The following GPC5 variants were observed in gnomAD, a reference collection of about 807,000 sequenced individuals.
The protein encoded by GPC5 is glypican-5.
A neutral mutation model predicts 53.9 loss-of-function variants in GPC5; 47 were observed. The observed-to-expected ratio is 0.87, with a 90% CI of 0.69 to 1.11. The LOEUF (loss-of-function observed/expected upper bound fraction) is 1.11, where lower values mean the gene tolerates loss of function less well. Ranked by LOEUF, GPC5 falls within the 50% of genes most tolerant of loss-of-function variation. GPC5 has a pLI of 0.00. For synonymous variants in GPC5, 286 were observed against 263.3 expected, an observed-to-expected ratio of 1.09 and a Z score of -0.84; for missense variants, 748 against 713.1, an observed-to-expected ratio of 1.05 and a Z score of -0.56.
intron 7 of GPC5, among the ~76,000 whole-genome samples, chr13:92,529,427 T>C (rs1267858606): frequency 6.6e-6 from 1 of 152,248 alleles, no homozygotes; most frequent in African/African-American, 2.4e-5. Context: ...TAAGGTCTTA[T>C]AATAAACATA....
intron 7 of GPC5, among the ~76,000 whole-genome samples, chr13:92,650,478 T>A (rs12866735): frequency 0.24 from 36,260 of 152,070 alleles, 5,041 homozygotes; most frequent in South Asian, 0.39. Flanking sequence ...AGCTCAAATT[T>A]AATATTTTAA....
chr13:92,092,446 T>C (rs768862110), intron 6 of GPC5, among the ~76,000 whole-genome samples: 5 of 152,198 alleles, frequency 3.3e-5, no homozygotes, highest in Non-Finnish European at 7.4e-5. Flanking sequence ...GTTGAGCAGC[T>C]ACCTGGTAAA....
intron 7 of GPC5, among the ~76,000 whole-genome samples, chr13:92,657,579 G>GTTTTTTTTTTTTTTTTT (rs67038073): frequency 9.4e-6 from 1 of 106,730 alleles, no homozygotes; most frequent in Non-Finnish European, 1.8e-5. Flanking sequence ...AGGTTTTTTG[G>GTTTTTTTTTTTTTTTTT]TTTTTTTTTT....
intron 2 of GPC5, among the ~76,000 whole-genome samples, chr13:91,574,657 G>A (rs759200753): frequency 9.9e-5 from 15 of 152,062 alleles, no homozygotes; most frequent in African/African-American, 1.4e-4. Flanking sequence ...CATGCCTAGC[G>A]TGTGCCAAGT....
At chr13:92,603,836 A>C (rs1884163477) in intron 7 of GPC5, among the ~76,000 whole-genome samples, 1 of 152,124 alleles carries the variant, frequency 6.6e-6, no homozygotes, top group South Asian at 2.1e-4. Context: ...CATAGCCAAA[A>C]CTACATCATC....
At chr13:91,437,474 G>A (rs955700107) in intron 1 of GPC5, among the ~76,000 whole-genome samples, 1 of 152,138 alleles carries the variant, frequency 6.6e-6, no homozygotes, top group Non-Finnish European at 1.5e-5. Context: ...ATGAAATTCT[G>A]GGTTGAAAAT....
intron 7 of GPC5, among the ~76,000 whole-genome samples, chr13:92,168,030 T>A (rs2042044038): frequency 6.6e-6 from 1 of 151,960 alleles, no homozygotes; most frequent in Admixed American, 6.6e-5. Context: ...CAGGTGAGGG[T>A]CAAAACTGAT....
chr13:92,185,748 A>G (rs1343518038), intron 7 of GPC5, among the ~76,000 whole-genome samples: 1 of 152,186 alleles, frequency 6.6e-6, no homozygotes. Context: ...ATCATTGTCA[A>G]TTAGCTTATG....
intron 2 of GPC5, among the ~76,000 whole-genome samples, chr13:91,587,194 T>C (rs1225414313): frequency 6.6e-6 from 1 of 152,150 alleles, no homozygotes; most frequent in African/African-American, 2.4e-5. Context: ...AAATTTATGT[T>C]TTAGGCTATT....
At chr13:91,555,990 C>T (rs1340142094) in intron 2 of GPC5, among the ~76,000 whole-genome samples, 1 of 152,026 alleles carries the variant, frequency 6.6e-6, no homozygotes, top group Non-Finnish European at 1.5e-5. Context: ...CAAACCATAT[C>T]ACCAGCTCAT....
chr13:92,449,442 C>T (rs571644243), intron 7 of GPC5, among the ~76,000 whole-genome samples: 5 of 152,002 alleles, frequency 3.3e-5, no homozygotes, highest in Non-Finnish European at 7.4e-5. Context: ...AATGGAAAAT[C>T]CATATTATCT....
At chr13:92,205,014 G>A (rs920595940) in intron 7 of GPC5, among the ~76,000 whole-genome samples, 1 of 152,006 alleles carries the variant, frequency 6.6e-6, no homozygotes, top group Non-Finnish European at 1.5e-5. Flanking sequence ...CAGTAGCTGG[G>A]ACTACAGGTG....
At chr13:91,875,879 A>G (rs2039196500) in intron 5 of GPC5, among the ~76,000 whole-genome samples, 1 of 152,160 alleles carries the variant, frequency 6.6e-6, no homozygotes, top group Non-Finnish European at 1.5e-5. Flanking sequence ...TTAACTAGTG[A>G]TGTGGTTTGG....
chr13:91,954,263 A>C (rs1203904165), intron 6 of GPC5, among the ~76,000 whole-genome samples: 1 of 152,208 alleles, frequency 6.6e-6, no homozygotes, highest in African/African-American at 2.4e-5. Flanking sequence ...TTTAAATTAA[A>C]GAATGTTAAA....
At chr13:91,650,264 A>T (rs1026540060) in intron 2 of GPC5, among the ~76,000 whole-genome samples, 1 of 152,164 alleles carries the variant, frequency 6.6e-6, no homozygotes, top group Non-Finnish European at 1.5e-5. Flanking sequence ...CCTACCCTTC[A>T]TCAATATACC....
At chr13:92,339,994 A>C (rs1213184947) in intron 7 of GPC5, 1 of 149,560 alleles carries the variant, frequency 6.7e-6, no homozygotes, top group Non-Finnish European at 1.5e-5. Flanking sequence ...GTACCTATGA[A>C]CAAAAAAAAC....
chr13:91,594,753 A>AGTTGAG (rs2032928070), intron 2 of GPC5, among the ~76,000 whole-genome samples: 1 of 152,034 alleles, frequency 6.6e-6, no homozygotes, highest in South Asian at 2.1e-4. Flanking sequence ...ATCACACCTC[A>AGTTGAG]CTGCAGCCTC....
intron 6 of GPC5, among the ~76,000 whole-genome samples, chr13:92,101,364 C>T (rs1011039681): frequency 6.6e-6 from 1 of 152,126 alleles, no homozygotes; most frequent in Non-Finnish European, 1.5e-5. Context: ...CAACCCCATT[C>T]CTTGGGGATA....
chr13:92,605,565 C>T (rs1044851828), intron 7 of GPC5, among the ~76,000 whole-genome samples: 3 of 150,820 alleles, frequency 2.0e-5, no homozygotes, highest in Non-Finnish European at 4.4e-5. Flanking sequence ...AATGAGCAGC[C>T]GTATTCACTA....
Sources: gnomAD v4.1 joint callset for allele counts (sites outside exome capture counted in the v4.1 genomes callset) on GRCh38, gnomAD v4.1.1 for gene constraint, MANE v1.5 for transcripts, NCBI Gene and HGNC (gene_info 2026-07-23, HGNC 2026-07-21) for gene names.